The following ZNF875 variants were observed in gnomAD, a reference collection of about 807,000 sequenced individuals.
ZNF875 encodes the protein HKR1, GLI-Kruppel zinc finger family member.
Under a neutral mutation model 11.2 loss-of-function variants are expected in ZNF875, and 14 were observed. That is an observed-to-expected ratio of 1.26 (90% CI 0.83 to 1.96). ZNF875 has a LOEUF of 1.96. Among genes scored for constraint, ZNF875 ranks in the 30% most tolerant of loss-of-function variants. The pLI, the probability that ZNF875 is intolerant of heterozygous loss-of-function variation, is 0.00. For synonymous variants in ZNF875, 301 were observed against 281.1 expected (o/e 1.07, Z -0.71); for missense variants, 752 against 760.4 (o/e 0.99, Z 0.13).
At chr19:37,331,318 C>T (rs1221871164), upstream of ZNF875, among the ~76,000 whole-genome samples, 2 of 148,248 alleles carry the variant, frequency 1.3e-5, no homozygotes, top group African/African-American at 5.0e-5. Context: ...CAACTTCTGC[C>T]TCCTGGGTTC....
rs764221735 is a variant in ZNF875 at position 37,363,580 on chromosome 19, T to G, written c.1728T>G (p.Ile576Met). 1 of 1,611,734 alleles carries G rather than the reference T, an allele frequency of 6.2e-7. No homozygotes were observed. The highest frequency in any genetic ancestry group is 8.5e-7 in the Non-Finnish European group (1 of 1,179,342). ...GQGFCAKLTL[I>M]KHQRAHAGGK... The stretch of plus-strand genomic sequence containing the variant: ...GCTTTTGTGCTAAGTTAACTCTCAT[T>G]AAACACCAGAGAGCACACGCAGGGG... Residue 576 changes from isoleucine (I) to methionine (M), a missense_variant, in exon 5 of 5, where the codon ATT becomes ATG. Physicochemically the swap from Ile to Met is conservative, Grantham distance 10. Transcript: ENST00000392153.
At chr19:37,342,553 C>T (rs1213167645) in intron 2 of ZNF875, among the ~76,000 whole-genome samples, 3 of 152,012 alleles carry the variant, frequency 2.0e-5, no homozygotes, top group Non-Finnish European at 2.9e-5. Context: ...GCTGGGATTA[C>T]AGGCATGCGC....
In ZNF875 at chr19:37,347,817, G is replaced by A. The variant is rs998645780; in HGVS notation, c.201G>A (p.Glu67=). The A allele has an allele frequency of 1.9e-6, 3 of 1,613,712 alleles. No individual in the cohort carries two copies. Among genetic ancestry groups the A allele is most frequent in the Non-Finnish European group, 2.5e-6 (3 of 1,179,644 alleles). ...SSKPKLIAQL[E]RGEAPWREER... ...AACCAAAACTCATTGCTCAGCTGGA[G>A]CGAGGGGAAGCGCCCTGGAGAGAGG... Residue 67 remains glutamate (E), a synonymous_variant, in exon 4 of 5, where the codon GAG becomes GAA. Transcript: ENST00000392153.
intron 2 of ZNF875, among the ~76,000 whole-genome samples, chr19:37,342,597 A>G (rs953353595): frequency 6.6e-6 from 1 of 151,970 alleles, no homozygotes; most frequent in Non-Finnish European, 1.5e-5. Context: ...TTTTTAGTAG[A>G]GACGGGGTTT....
Position 37,362,648 on chromosome 19 carries a change from A to G in ZNF875, c.796A>G (p.Met266Val), listed in dbSNP as rs2040136968. 7 of 1,613,074 alleles carry G rather than the reference A, an allele frequency of 4.3e-6. No homozygotes were observed. Among genetic ancestry groups the G allele is most frequent in the Non-Finnish European group, 5.9e-6 (7 of 1,179,500 alleles). ...YTEWGDSFGSMSVLIKNPRTH... is the reference protein window; with the variant it reads ...YTEWGDSFGSVSVLIKNPRTH... Reference sequence around the variant, plus strand: ...TGAGTGGGGAGACAGCTTTGGCAGTATGTCAGTCCTCATCAAAAACCCAAG... The same window carrying G: ...TGAGTGGGGAGACAGCTTTGGCAGTGTGTCAGTCCTCATCAAAAACCCAAG... Residue 266 changes from methionine (M) to valine (V), a missense_variant, in exon 5 of 5, where the codon ATG becomes GTG. By Grantham distance (21) the Met-to-Val change is conservative. Transcript: ENST00000392153.
upstream of ZNF875, among the ~76,000 whole-genome samples, chr19:37,314,595 TG>T (rs1408389607): frequency 2.0e-5 from 3 of 151,664 alleles, no homozygotes; most frequent in Non-Finnish European, 4.4e-5. Context: ...GAGGAAAAGG[TG>T]GGGGACTCAC....
chr19:37,336,402 C>G (rs2034427479), intron 2 of ZNF875, among the ~76,000 whole-genome samples: 1 of 151,032 alleles, frequency 6.6e-6, no homozygotes, highest in African/African-American at 2.4e-5. Flanking sequence ...CAGGTTCACA[C>G]CATTCTTCTG....
chr19:37,329,587 C>T (rs1178717233), intron 4 of ZNF875, among the ~76,000 whole-genome samples: 3 of 152,214 alleles, frequency 2.0e-5, no homozygotes, highest in Non-Finnish European at 4.4e-5. Context: ...GAACTCTCCA[C>T]ATCATGTCAT....
chr19:37,362,202 C>G lies in ZNF875; in HGVS notation c.350C>G (p.Ser117Cys), dbSNP rs199540276. The G allele has an allele frequency of 4.2e-5, 68 of 1,614,148 alleles. 1 individual carries two copies. The East Asian group carries it at 1.2e-3, about 30-fold the overall frequency. ...CAACATGTGTGGCTGAGTCATCTCTCTCAGCTGTTTTCAAGTTTATGGGCA... is the reference window on the plus strand; with the variant it reads ...CAACATGTGTGGCTGAGTCATCTCTGTCAGCTGTTTTCAAGTTTATGGGCA... The part of the protein sequence containing the change: ...LSQHVWLSHL[S>C]QLFSSLWAGN... Residue 117 changes from serine (S) to cysteine (C), a missense_variant, in exon 5 of 5, where the codon TCT becomes TGT. Ser to Cys is a moderately radical substitution (Grantham distance 112). Coordinates refer to ENST00000392153, the MANE Select transcript of ZNF875 (RefSeq NM_001353803.2).
rs2040080845 is a variant in ZNF875 at position 37,362,365 on chromosome 19, T to C, written c.513T>C (p.Asn171=). ...TCCTGTTTGGGAGAGTAAGCAAAAA[T>C]GGCACTTCAAAGGCACTTTCCAGCC... The part of the protein sequence containing the change: ...SRLLFGRVSK[N]GTSKALSSPP... Residue 171 remains asparagine, a synonymous_variant, in exon 5 of 5, where the codon AAT becomes AAC. Coordinates refer to ENST00000392153, the MANE Select transcript of ZNF875 (RefSeq NM_001353803.2). 1.9e-6 allele frequency: 3 copies of C among 1,613,876 alleles called. No individual in the cohort carries two copies. Among genetic ancestry groups the C allele is most frequent in the South Asian group, 1.1e-5 (1 of 91,072 alleles).
chr19:37,362,168 G>A lies in ZNF875; in HGVS notation c.316G>A (p.Ala106Thr), dbSNP rs1389471576. The A allele has an allele frequency of 2.5e-6, 4 of 1,614,020 alleles. No homozygotes were observed. Among genetic ancestry groups the A allele is most frequent in the African/African-American group, 2.7e-5 (2 of 74,918 alleles). The change falls in exon 5 of 5, where the codon GCT (alanine) becomes ACT (threonine). Residue 106 changes from alanine to threonine, a missense_variant. By Grantham distance (58) the Ala-to-Thr change is moderately conservative (BLOSUM62 0). Coordinates refer to ENST00000392153, the MANE Select transcript of ZNF875 (RefSeq NM_001353803.2). ...SCPLIFSSQQ[A>T]LSQHVWLSHL... ...CCCTCTGATTTTCTCCAGTCAGCAA[G>A]CTCTCAGCCAACATGTGTGGCTGAG...
intron 2 of ZNF875, chr19:37,344,586 A>G: frequency 9.7e-7 from 1 of 1,026,582 alleles, no homozygotes; most frequent in Middle Eastern, 2.4e-4. Flanking sequence ...GTTACCATTC[A>G]TTTTTCATAT....
chr19:37,327,932 T>C lies in ZNF875; in HGVS notation c.-603+3667T>C, dbSNP rs866931950. On this transcript the variant is annotated intron_variant, in intron 4 of 5. Coordinates refer to the ZNF875 transcript ENST00000544914. ...TGGAAAATGATGAGGGAACACAATG[T>C]TAGAGTTGCAGTGAGAAGGGGCGGA... 3.9e-5 allele frequency among the ~76,000 whole-genome samples: 6 copies of C among 152,136 alleles called. No individual in the cohort carries two copies. In the South Asian group the frequency reaches 1.2e-3, roughly 32 times the overall value.
chr19:37,315,736 A>G (rs1486254144), upstream of ZNF875: 1 of 152,046 alleles, frequency 6.6e-6, no homozygotes, highest in African/African-American at 2.4e-5. Flanking sequence ...CAAAGTTACA[A>G]GTTTTTTTCT....
chr19:37,321,308 T>G (rs554449467), intron 1 of ZNF875, among the ~76,000 whole-genome samples: 331 of 152,352 alleles, frequency 2.2e-3, no homozygotes, highest in Non-Finnish European at 3.6e-3. Flanking sequence ...ATGGAATGTC[T>G]CTGTGTAAAA....
chr19:37,317,816 A>G (rs968434349), upstream of ZNF875: 1 of 152,444 alleles, frequency 6.6e-6, no homozygotes, highest in Non-Finnish European at 1.5e-5. Context: ...GTTGCCTGGA[A>G]ACAGACTGTC....
upstream of ZNF875, among the ~76,000 whole-genome samples, chr19:37,331,103 C>T (rs1223767412): frequency 7.0e-6 from 1 of 142,278 alleles, no homozygotes; most frequent in Non-Finnish European, 1.5e-5. Flanking sequence ...AGGAGAATGG[C>T]GTGAACCTGG....
upstream of ZNF875, among the ~76,000 whole-genome samples, chr19:37,332,456 A>G (rs1422453029): frequency 6.6e-6 from 1 of 152,160 alleles, no homozygotes; most frequent in Non-Finnish European, 1.5e-5. Flanking sequence ...ACCTCAGGTG[A>G]TCTGCCCACC....
upstream of ZNF875, among the ~76,000 whole-genome samples, chr19:37,331,249 TTGA>T (rs1481141615): frequency 2.0e-5 from 3 of 148,954 alleles, no homozygotes; most frequent in South Asian, 2.2e-4. Flanking sequence ...TTTTTTTTTT[TTGA>T]GAGTCTCGCT....
Sources: allele counts gnomAD v4.1 joint callset (sites outside exome capture counted in the v4.1 genomes callset), GRCh38; gene constraint gnomAD v4.1.1; transcripts MANE v1.5; gene names NCBI Gene and HGNC (gene_info 2026-07-23, HGNC 2026-07-21).